JAG2: variants seen among roughly 807,000 people sequenced by gnomAD.
The protein encoded by JAG2 is protein jagged-2.
JAG2 carries 46 observed loss-of-function variants against 141.7 expected under a neutral mutation model. That is an observed-to-expected ratio of 0.32 (90% CI 0.26 to 0.42). JAG2 has a LOEUF of 0.42. JAG2 is among the 10% of genes least tolerant of loss of function. The pLI, the probability that JAG2 is intolerant of heterozygous loss-of-function variation, is 1.00. For synonymous variants in JAG2, 862 were observed against 763.5 expected, an observed-to-expected ratio of 1.13 and a Z score of -2.13; for missense variants, 1,500 against 1,817.5, an observed-to-expected ratio of 0.83 and a Z score of 3.18.
At chr14:105,166,722 C>T (rs587674663) in intron 2 of JAG2, among the ~76,000 whole-genome samples, 6 of 152,346 alleles carry the variant, frequency 3.9e-5, no homozygotes, top group African/African-American at 1.4e-4. Flanking sequence ...TTGCCCTCAA[C>T]TCACAATCAC....
At chr14:105,160,997 C>T (rs766708094) in intron 2 of JAG2, among the ~76,000 whole-genome samples, 47 of 152,322 alleles carry the variant, frequency 3.1e-4, no homozygotes, top group Non-Finnish European at 5.6e-4. Context: ...GCATAGCCCA[C>T]GGGGACAGTG....
At chr14:105,166,908 C>A (rs866573025) in intron 2 of JAG2, among the ~76,000 whole-genome samples, 1 of 152,182 alleles carries the variant, frequency 6.6e-6, no homozygotes, top group African/African-American at 2.4e-5. Context: ...GACCTCTGGG[C>A]ACCAGGGCAA....
intron 2 of JAG2, among the ~76,000 whole-genome samples, chr14:105,160,580 C>G (rs2140990663): frequency 6.6e-6 from 1 of 152,052 alleles, no homozygotes; most frequent in East Asian, 2.0e-4. Flanking sequence ...AAGGCCAGGC[C>G]AACGGGTCAC....
At chr14:105,157,571 A>C in intron 3 of JAG2, 135 bp downstream of exon 3, 1 of 904,236 alleles carries the variant, frequency 1.1e-6, no homozygotes, top group Non-Finnish European at 1.8e-6. Context: ...CCTGGCAGCC[A>C]AAGCAAAAAG....
Position 105,142,617 on chromosome 14 carries a change from T to C in JAG2, c.*78A>G. The C allele has an allele frequency of 2.9e-6, 3 of 1,050,316 alleles. No homozygotes were observed. The highest frequency in any genetic ancestry group is 4.2e-6 in the Non-Finnish European group (3 of 720,468). 65.1% of individuals were successfully genotyped at this position (1,050,316 alleles called of 1,614,324 possible). On this transcript the variant is annotated 3_prime_UTR_variant, in exon 26 of 26. Transcript: ENST00000331782. ...ACACAAAATAAAGAAACTATGCACA[T>C]GGCCTCGGCCTCCGGGTCCGGCAGA... is the stretch of plus-strand genomic sequence containing the variant.
chr14:105,142,459 C>A lies in JAG2; in HGVS notation c.*236G>T, dbSNP rs759883244. On this transcript the variant is annotated 3_prime_UTR_variant, in exon 26 of 26. Transcript: ENST00000331782. ...CCTTTCATACAGCGAGTGCCACGCA[C>A]GGAAACTTTACAAAAATAGCAACTA... 1 of 542,646 alleles carries A rather than the reference C, an allele frequency of 1.8e-6. No individual in the cohort carries two copies. The highest frequency in any genetic ancestry group is 2.3e-5 in the South Asian group (1 of 44,384). The allele number at this position is 542,646 out of a possible 1,614,324, so 33.6% of individuals were successfully genotyped here.
intron 9 of JAG2, 83 bp from the exon 10 acceptor site, chr14:105,151,187 G>C: frequency 7.1e-7 from 1 of 1,410,532 alleles, no homozygotes; most frequent in African/African-American, 1.5e-5. Flanking sequence ...CCGCAGCCCA[G>C]CAGCCCCAGC....
chr14:105,158,250 G>A (rs1888635183), intron 2 of JAG2, among the ~76,000 whole-genome samples: 1 of 152,112 alleles, frequency 6.6e-6, no homozygotes, highest in African/African-American at 2.4e-5. Flanking sequence ...TCCACCAAGT[G>A]CACGGGGTGG....
At position 105,167,776 on chromosome 14, in the gene JAG2, G is replaced by C. The variant is rs904500344; in HGVS notation, c.398C>G (p.Pro133Arg). 2.1e-6 allele frequency: 3 copies of C among 1,463,054 alleles called. No individual in the cohort carries two copies. The highest frequency in any genetic ancestry group is 2.7e-6 in the Non-Finnish European group (3 of 1,109,682). The allele number at this position is 1,463,054 out of a possible 1,614,324, so 90.6% of individuals were successfully genotyped here. The part of the protein sequence containing the change: ...GDQDPGLVVI[P>R]FQFAWPRSFT... ...ACGTACCGGCCAGGCGAACTGGAAG[G>C]GGATGACGACGAGGCCCGGGTCCTG... Residue 133 changes from proline to arginine, a missense_variant, in exon 2 of 26, where the codon CCC becomes CGC. Physicochemically the swap from Pro to Arg is moderately radical, Grantham distance 103. Transcript: ENST00000331782. This position sits in a 1 kb window ranked among gnomAD's most constrained non-coding sequence, Gnocchi z 4.8.
intron 2 of JAG2, among the ~76,000 whole-genome samples, chr14:105,164,156 C>T (rs1433754209): frequency 6.6e-6 from 1 of 152,018 alleles, no homozygotes; most frequent in East Asian, 1.9e-4. Flanking sequence ...TTCAGCCCAC[C>T]CTCAGGGACC....
chr14:105,151,842 C>G (rs1888442471), intron 7 of JAG2, 96 bp downstream of exon 7: 4 of 1,605,586 alleles, frequency 2.5e-6, no homozygotes, highest in Non-Finnish European at 3.4e-6. Flanking sequence ...GGTCAGGGGC[C>G]CACCACACAG....
Position 105,146,615 on chromosome 14 carries a change from C to T in JAG2, c.2589G>A (p.Gln863=). ...CPPGRAGPRC[Q]EVIGFGRSCW... The stretch of plus-strand genomic sequence containing the variant: ...GGGCAATCACACGGGGCCTACCTTC[C>T]TGGCACCGGGGGCCGGCTCGGCCGG... The change falls in exon 21 of 26, where the codon CAG becomes CAA. Residue 863 remains glutamine, a synonymous_variant. Coordinates refer to ENST00000331782, the MANE Select transcript of JAG2 (RefSeq NM_002226.5). 6.2e-7 allele frequency: 1 copy of T among 1,612,442 alleles called. No individual in the cohort carries two copies. Among genetic ancestry groups the T allele is most frequent in the Non-Finnish European group, 8.5e-7 (1 of 1,179,680 alleles).
chr14:105,155,437 C>A lies in JAG2; in HGVS notation c.788+125G>T, dbSNP rs745546423. 5.6e-6 allele frequency: 6 copies of A among 1,065,230 alleles called. No individual in the cohort carries two copies. The East Asian group carries it at 1.4e-4, about 25-fold the overall frequency. 66.0% of individuals were successfully genotyped at this position (1,065,230 alleles called of 1,614,324 possible). ...GGAGCCTCCCGAGCTCAGGGCCCGG[C>A]TCTCACAGCTGTGTGCCCAACCTCC... On this transcript the variant is annotated intron_variant, in intron 5 of 25. Transcript: ENST00000331782.
At chr14:105,151,902 C>A in intron 7 of JAG2, 36 bp downstream of exon 7, 1 of 1,612,294 alleles carries the variant, frequency 6.2e-7, no homozygotes, top group South Asian at 1.1e-5. Context: ...CCAGTCCCTG[C>A]CTGGCCAGAA....
Position 105,142,424 on chromosome 14 carries a change from T to C in JAG2, c.*271A>G. On this transcript the variant is annotated 3_prime_UTR_variant, in exon 26 of 26. Transcript: ENST00000331782. Reference sequence around the variant, plus strand: ...CGATTTGGTGACGACGCAGACACCCTTTGCTCTCTCCTTTCATACAGCGAG... The same window carrying C: ...CGATTTGGTGACGACGCAGACACCCCTTGCTCTCTCCTTTCATACAGCGAG... 1 of 465,578 alleles carries C rather than the reference T, an allele frequency of 2.1e-6. No homozygotes were observed. 28.8% of individuals were successfully genotyped at this position (465,578 alleles called of 1,614,324 possible).
chr14:105,142,759 C>A lies in JAG2; in HGVS notation c.3653G>T (p.Gly1218Val), dbSNP rs375751284. The A allele has an allele frequency of 1.1e-4, 177 of 1,610,338 alleles. No individual in the cohort carries two copies. The highest frequency in any genetic ancestry group is 1.6e-4 in the Middle Eastern group (1 of 6,072). The change falls in exon 26 of 26, where the codon GGC becomes GTC. Residue 1218 changes from glycine (G) to valine (V), a missense_variant. Gly to Val is a moderately radical substitution (Grantham distance 109). Transcript: ENST00000331782. ...SPGRPAHWAS[G>V]PKVDNRAVRS... ...GACCGCGCGGTTGTCCACTTTGGGG[C>A]CTGAGGCCCAGTGGGCCGGCCTCCC...
chr14:105,151,493 A>AT (rs1381311813), intron 8 of JAG2, 97 bp from the exon 9 acceptor site: 6 of 1,380,636 alleles, frequency 4.3e-6, no homozygotes. Context: ...TCTTCCTGCC[A>AT]TTTGTCCTCG....
chr14:105,148,584 A>C, intron 15 of JAG2, 145 bp from the exon 16 acceptor site: 2 of 870,354 alleles, frequency 2.3e-6, no homozygotes, highest in South Asian at 1.6e-5. Flanking sequence ...GGCCTCGGGC[A>C]TGGGGGCAGC....
In JAG2 at chr14:105,154,731, C is replaced by A. The variant is rs1385529378; in HGVS notation, c.788+831G>T. The stretch of plus-strand genomic sequence containing the variant: ...CAGGCCCCGCGTGGCGCAGGCCAGG[C>A]CTCTCCCACGAGCTTTCTGGGTGTC... On this transcript the variant is annotated intron_variant, in intron 5 of 25. Transcript: ENST00000331782. The surrounding 1 kb of genome is among the most constrained non-coding windows in gnomAD (Gnocchi z 4.4). 1.3e-5 allele frequency among the ~76,000 whole-genome samples: 2 copies of A among 152,014 alleles called. No individual in the cohort carries two copies. Among genetic ancestry groups the A allele is most frequent in the East Asian group, 1.9e-4 (1 of 5,168 alleles).
Sources: allele counts gnomAD v4.1 joint callset (sites outside exome capture counted in the v4.1 genomes callset), GRCh38; gene constraint gnomAD v4.1.1; non-coding constraint Gnocchi (gnomAD v3.1); transcripts MANE v1.5; gene names NCBI Gene and HGNC (gene_info 2026-07-23, HGNC 2026-07-21).